The following NRXN3 variants were observed in gnomAD, a reference collection of about 807,000 sequenced individuals.
NRXN3 encodes the protein neurexin 3.
A neutral mutation model predicts 137.6 loss-of-function variants in NRXN3; 32 were observed. That is an observed-to-expected ratio of 0.23 (90% confidence interval 0.18 to 0.31). The LOEUF (loss-of-function observed/expected upper bound fraction) is 0.31, where lower values mean the gene tolerates loss of function less well. Among genes scored for constraint, NRXN3 ranks in the 10% least tolerant of loss-of-function variants. The pLI, the probability that NRXN3 is intolerant of heterozygous loss-of-function variation, is 1.00. For synonymous variants in NRXN3, 798 were observed against 784.5 expected, an observed-to-expected ratio of 1.02 and a Z score of -0.29; for missense variants, 1,574 against 2,062.5, an observed-to-expected ratio of 0.76 and a Z score of 4.59.
chr14:78,760,099 C>T (rs34283104), intron 8 of NRXN3, among the ~76,000 whole-genome samples: 10,728 of 133,172 alleles, frequency 0.081, 510 homozygotes, highest in South Asian at 0.17. Flanking sequence ...TGGAGTGCAA[C>T]GGAACAATCT....
intron 16 of NRXN3, among the ~76,000 whole-genome samples, chr14:79,634,443 A>G (rs1476836395): frequency 1.3e-5 from 2 of 152,204 alleles, no homozygotes; most frequent in African/African-American, 4.8e-5. Flanking sequence ...TAATGTCTTT[A>G]AAATAAATTA....
At chr14:78,526,790 A>G (rs1209285154) in intron 4 of NRXN3, 2 of 516,884 alleles carry the variant, frequency 3.9e-6, no homozygotes, top group Non-Finnish European at 7.7e-6. Context: ...ACTAAGTGAA[A>G]TAAACAGCGA....
At chr14:78,822,934 C>T (rs552211141) in intron 10 of NRXN3, among the ~76,000 whole-genome samples, 1 of 152,218 alleles carries the variant, frequency 6.6e-6, no homozygotes, top group Admixed American at 6.5e-5. Context: ...ATCACTAATA[C>T]CTCCTATCTC....
chr14:78,844,327 G>T (rs1234735388), intron 10 of NRXN3, among the ~76,000 whole-genome samples: 1 of 152,060 alleles, frequency 6.6e-6, no homozygotes, highest in East Asian at 1.9e-4. Context: ...GTCATATAAG[G>T]TAATAGTCAC....
chr14:79,089,103 C>G (rs1303693479), intron 15 of NRXN3, among the ~76,000 whole-genome samples: 2 of 152,060 alleles, frequency 1.3e-5, no homozygotes. Context: ...TTTTATAATC[C>G]TCCCTATGTC....
chr14:78,355,715 C>A (rs2084194992), intron 4 of NRXN3, among the ~76,000 whole-genome samples: 1 of 152,238 alleles, frequency 6.6e-6, no homozygotes, highest in Non-Finnish European at 1.5e-5. Flanking sequence ...CCACCACGCC[C>A]TGCCAACAGA....
intron 2 of NRXN3, chr14:78,250,054 G>T (rs779546477): frequency 3.9e-6 from 2 of 513,294 alleles, no homozygotes; most frequent in South Asian, 1.4e-5. Flanking sequence ...TGAAACCCTC[G>T]CAACCACTCT....
intron 4 of NRXN3, among the ~76,000 whole-genome samples, chr14:78,384,972 T>C (rs1271080706): frequency 6.6e-6 from 1 of 152,138 alleles, no homozygotes; most frequent in African/African-American, 2.4e-5. Context: ...TTAAAAAAAA[T>C]GAAACCAGGG....
intron 6 of NRXN3, among the ~76,000 whole-genome samples, chr14:78,701,186 A>G (rs1309682160): frequency 6.6e-6 from 1 of 152,290 alleles, no homozygotes; most frequent in South Asian, 2.1e-4. Flanking sequence ...TGAGACCTCC[A>G]CTCTGAACAG....
chr14:79,697,853 A>G lies in NRXN3; in HGVS notation c.3930A>G (p.Pro1310=), dbSNP rs746266528. 1 of 1,613,310 alleles carries G rather than the reference A, an allele frequency of 6.2e-7. No homozygotes were observed. The highest frequency in any genetic ancestry group is 2.2e-5 in the East Asian group (1 of 44,834). ...CAACACAGACGACCTCCATGCCACC[A>G]GAAATGTCTACTACTGTCATGGAAA... ...LGTTQTTSMP[P]EMSTTVMETT... is the part of the protein sequence containing the mutation. Residue 1310 remains proline (P), a synonymous_variant, in exon 19 of 21, where the codon CCA becomes CCG. Coordinates refer to ENST00000335750, the MANE Select transcript of NRXN3 (RefSeq NM_001330195.2).
At chr14:78,519,620 A>G (rs1270110357) in intron 4 of NRXN3, among the ~76,000 whole-genome samples, 1 of 152,192 alleles carries the variant, frequency 6.6e-6, no homozygotes, top group Non-Finnish European at 1.5e-5. Flanking sequence ...GAGGTGAATA[A>G]TAAATGACTG....
chr14:78,637,164 C>A (rs927406597), intron 4 of NRXN3, among the ~76,000 whole-genome samples: 1 of 152,108 alleles, frequency 6.6e-6, no homozygotes, highest in Non-Finnish European at 1.5e-5. Context: ...AGAGAAGGCC[C>A]CAGTCTGCAT....
chr14:78,682,400 C>A (rs1602364409), intron 6 of NRXN3, among the ~76,000 whole-genome samples: 1 of 146,130 alleles, frequency 6.8e-6, no homozygotes, highest in African/African-American at 2.5e-5. Context: ...ACATCTGATA[C>A]TTTTTTTTTT....
chr14:79,424,508 T>G (rs1276357978), intron 15 of NRXN3, among the ~76,000 whole-genome samples: 2 of 152,180 alleles, frequency 1.3e-5, no homozygotes, highest in Non-Finnish European at 2.9e-5. Context: ...CATATATTAT[T>G]TAAAATTCAC....
intron 16 of NRXN3, among the ~76,000 whole-genome samples, chr14:79,604,081 C>T (rs1352619576): frequency 6.6e-6 from 1 of 151,796 alleles, no homozygotes; most frequent in Non-Finnish European, 1.5e-5. Context: ...TTAGTAGAGA[C>T]GGGGTTTCAC....
chr14:79,741,294 T>A (rs1368721300), intron 19 of NRXN3, among the ~76,000 whole-genome samples: 3 of 152,132 alleles, frequency 2.0e-5, no homozygotes, highest in Non-Finnish European at 2.9e-5. Flanking sequence ...GTGCTAAATC[T>A]AAGACCAAAA....
chr14:78,202,675 C>T (rs1312682320), intron 1 of NRXN3, among the ~76,000 whole-genome samples: 1 of 152,158 alleles, frequency 6.6e-6, no homozygotes, highest in Admixed American at 6.5e-5. Flanking sequence ...CCCTCACTGA[C>T]ACCCTGCGAG....
At position 79,505,552 on chromosome 14, in the gene NRXN3, G is replaced by A. The variant is rs557557492; in HGVS notation, c.3444+38150G>A. On this transcript the variant is annotated intron_variant, in intron 16 of 20. Coordinates refer to ENST00000335750, the MANE Select transcript of NRXN3 (RefSeq NM_001330195.2). The stretch of plus-strand genomic sequence containing the variant: ...CATGGACACCCCTAACTTCATTGGT[G>A]ACTAAGAAATGTAGTCTAGACTATT... 3.3e-5 allele frequency among the ~76,000 whole-genome samples: 5 copies of A among 152,306 alleles called. No individual in the cohort carries two copies. In the South Asian group the frequency reaches 1.0e-3, roughly 32 times the overall value.
Position 79,549,960 on chromosome 14 carries a change from G to GTGTTTGTTTGTT in NRXN3, c.3444+82563_3444+82574dup, listed in dbSNP as rs150751981. On this transcript the variant is annotated intron_variant, in intron 16 of 20. Transcript: ENST00000335750. ...TACAGGTTACTTCTCATATTGTTGGGTGTTTGTTTGTTTGTTAGTTTGTTT... is the reference window on the plus strand; with the variant it reads ...TACAGGTTACTTCTCATATTGTTGGGTGTTTGTTTGTTTGTTTGTTTGTTTGTTAGTTTGTTT... 5.2e-5 allele frequency among the ~76,000 whole-genome samples: 7 copies of GTGTTTGTTTGTT among 134,536 alleles called. No individual in the cohort carries two copies. The South Asian group carries it at 7.1e-4, about 14-fold the overall frequency. 88.3% of individuals were successfully genotyped at this position (134,536 alleles called of 152,430 possible).
Sources: gnomAD v4.1 joint callset for allele counts (sites outside exome capture counted in the v4.1 genomes callset) on GRCh38, gnomAD v4.1.1 for gene constraint, MANE v1.5 for transcripts, NCBI Gene and HGNC (gene_info 2026-07-23, HGNC 2026-07-21) for gene names.